SOX5: variants seen among roughly 807,000 people sequenced by gnomAD.
SOX5 encodes transcription factor SOX-5.
In SOX5, 9 loss-of-function variants were observed where a neutral mutation model predicts 92.0. The ratio of observed to expected loss-of-function variants is 0.10; its 90% confidence interval spans 0.06 to 0.17. The LOEUF (loss-of-function observed/expected upper bound fraction) is 0.17, where lower values mean the gene tolerates loss of function less well. Ranked by LOEUF, SOX5 falls within the 10% of genes least tolerant of loss-of-function variation. The pLI, the probability that SOX5 is intolerant of heterozygous loss-of-function variation, is 1.00. For missense variants in SOX5, 642 were observed against 944.5 expected, an observed-to-expected ratio of 0.68 and a Z score of 4.20; for synonymous variants, 344 against 336.3, an observed-to-expected ratio of 1.02 and a Z score of -0.25.
In SOX5 at chr12:24,447,267, G is replaced by A. The variant is rs73285520; in HGVS notation, c.-250-78628C>T. Among the ~76,000 whole-genome samples the A allele has an allele frequency of 5.8e-3, 884 of 152,308 alleles. 7 individuals are homozygous for A. Among genetic ancestry groups the A allele is most frequent in the African/African-American group, 0.02 (850 of 41,554 alleles). On this transcript the variant is annotated intron_variant, in intron 1 of 4. Transcript: ENST00000446891. ...ATCAGCAATAAGCCATGTTGACAGC[G>A]TGTGCCCTTGGTATGATGTGATGAA...
chr12:23,948,144 T>G (rs1271740396), intron 1 of SOX5, among the ~76,000 whole-genome samples: 1 of 151,814 alleles, frequency 6.6e-6, no homozygotes, highest in Non-Finnish European at 1.5e-5. Context: ...TATATAGAAG[T>G]GAAAATTTTA....
At chr12:24,248,821 G>A (rs898177442) in intron 3 of SOX5, among the ~76,000 whole-genome samples, 1 of 151,910 alleles carries the variant, frequency 6.6e-6, no homozygotes, top group African/African-American at 2.4e-5. Flanking sequence ...AAGGTTACTT[G>A]TTTATGTTTT....
In SOX5 at chr12:23,720,665, T is replaced by G. The variant is rs113929933; in HGVS notation, c.810+14019A>C. ...ACCAATGAAATATATGTTGTTAAAG[T>G]TTTTTATATGTACCTTCCAAAATAA... On this transcript the variant is annotated intron_variant, in intron 6 of 14. Coordinates refer to ENST00000451604, the MANE Select transcript of SOX5 (RefSeq NM_006940.6). 2.4e-3 allele frequency among the ~76,000 whole-genome samples: 367 copies of G among 152,264 alleles called. 2 individuals carry two copies. Among genetic ancestry groups the G allele is most frequent in the African/African-American group, 8.3e-3 (346 of 41,556 alleles).
chr12:24,450,142 T>C (rs1321853460), intron 1 of SOX5, among the ~76,000 whole-genome samples: 1 of 152,160 alleles, frequency 6.6e-6, no homozygotes, highest in Non-Finnish European at 1.5e-5. Flanking sequence ...CTTGAGATAA[T>C]TTATGAAATT....
At chr12:24,464,022 G>T (rs1284914010) in intron 1 of SOX5, among the ~76,000 whole-genome samples, 1 of 152,138 alleles carries the variant, frequency 6.6e-6, no homozygotes, top group African/African-American at 2.4e-5. Flanking sequence ...AAACTTCGCT[G>T]ACAAATAGGG....
chr12:24,070,199 A>G (rs1941538489), intron 4 of SOX5, among the ~76,000 whole-genome samples: 1 of 152,182 alleles, frequency 6.6e-6, no homozygotes, highest in African/African-American at 2.4e-5. Context: ...CTACATGTAT[A>G]TATTTATGCT....
intron 4 of SOX5, among the ~76,000 whole-genome samples, chr12:23,745,176 G>A (rs543621836): frequency 6.6e-6 from 1 of 152,176 alleles, no homozygotes; most frequent in Admixed American, 6.5e-5. Context: ...TGCCTTTTAC[G>A]CAAATGATAA....
chr12:23,776,154 C>G (rs975992596), intron 3 of SOX5, among the ~76,000 whole-genome samples: 1 of 152,180 alleles, frequency 6.6e-6, no homozygotes, highest in African/African-American at 2.4e-5. Context: ...TTCAGAATTA[C>G]AAATCGATGA....
At position 24,074,630 on chromosome 12, in the gene SOX5, C is replaced by CAAAAAAAA. The variant is rs76320418; in HGVS notation, c.-2+138705_-2+138712dup. Among the ~76,000 whole-genome samples, 231 of 51,226 alleles carry CAAAAAAAA rather than the reference C, an allele frequency of 4.5e-3. 6 individuals carry two copies. The highest frequency in any genetic ancestry group is 6.1e-3 in the Non-Finnish European group (175 of 28,684). The allele number at this position is 51,226 out of a possible 152,430, so 33.6% of individuals were successfully genotyped here. On this transcript the variant is annotated intron_variant, in intron 4 of 4. Transcript: ENST00000446891. ...CTTAGTGTTTATTTCTGTAAACTAC[C>CAAAAAAAA]AAAAAAAAAAAAAAAAAAAAAAAGC...
intron 3 of SOX5, among the ~76,000 whole-genome samples, chr12:24,241,249 A>G (rs1965503618): frequency 6.6e-6 from 1 of 152,200 alleles, no homozygotes; most frequent in Non-Finnish European, 1.5e-5. Flanking sequence ...ACTAGTTAAG[A>G]TGAATCTAGA....
intron 1 of SOX5, among the ~76,000 whole-genome samples, chr12:24,493,895 G>T (rs1947348285): frequency 1.3e-5 from 2 of 151,930 alleles, no homozygotes; most frequent in Admixed American, 1.3e-4. Flanking sequence ...TTTTTAAAAA[G>T]TCAGTATAGT....
At chr12:23,987,087 A>G (rs1950128338) in intron 4 of SOX5, among the ~76,000 whole-genome samples, 1 of 152,224 alleles carries the variant, frequency 6.6e-6, no homozygotes, top group Non-Finnish European at 1.5e-5. Context: ...TATTTATTAA[A>G]TGCCTACTAA....
chr12:24,203,146 C>T (rs1490602637), intron 4 of SOX5, among the ~76,000 whole-genome samples: 1 of 152,142 alleles, frequency 6.6e-6, no homozygotes, highest in Non-Finnish European at 1.5e-5. Context: ...TACTTTCTTA[C>T]AACCTTATGG....
At chr12:24,228,110 A>C (rs1340152727) in intron 3 of SOX5, among the ~76,000 whole-genome samples, 1 of 152,206 alleles carries the variant, frequency 6.6e-6, no homozygotes, top group Non-Finnish European at 1.5e-5. Flanking sequence ...CCCGGGTCTC[A>C]GAGAGAGCTC....
At position 23,857,885 on chromosome 12, in the gene SOX5, A is replaced by G. The variant is rs142615351; in HGVS notation, c.271-11692T>C. 5.1e-3 allele frequency among the ~76,000 whole-genome samples: 782 copies of G among 152,100 alleles called. 11 individuals carry two copies. Among genetic ancestry groups the G allele is most frequent in the African/African-American group, 0.018 (757 of 41,504 alleles). ...GTAGGTGGGATTACAGGTGCCTGCC[A>G]CCACACTTGGCTAATTTTTTGTATT... On this transcript the variant is annotated intron_variant, in intron 2 of 14. Coordinates refer to ENST00000451604, the MANE Select transcript of SOX5 (RefSeq NM_006940.6).
At chr12:23,736,149 C>T (rs2093583607) in intron 5 of SOX5, among the ~76,000 whole-genome samples, 1 of 150,046 alleles carries the variant, frequency 6.7e-6, no homozygotes, top group African/African-American at 2.5e-5. Context: ...TAGTCACTAA[C>T]ATTTTTATTA....
chr12:24,485,097 A>T (rs1946383867), intron 1 of SOX5, among the ~76,000 whole-genome samples: 1 of 152,160 alleles, frequency 6.6e-6, no homozygotes, highest in Non-Finnish European at 1.5e-5. Context: ...TGCACAGAAA[A>T]GTGGAGATGG....
At chr12:23,619,511 C>G (rs956353998) in intron 8 of SOX5, among the ~76,000 whole-genome samples, 3 of 152,146 alleles carry the variant, frequency 2.0e-5, no homozygotes, top group Non-Finnish European at 4.4e-5. Context: ...GCTCTTAACT[C>G]TTAGCCTATG....
intron 3 of SOX5, among the ~76,000 whole-genome samples, chr12:24,249,443 T>C (rs1023885137): frequency 6.6e-6 from 1 of 152,254 alleles, no homozygotes; most frequent in African/African-American, 2.4e-5. Flanking sequence ...AAAAAAATCA[T>C]ACCTGCTCTA....
Sources: gnomAD v4.1 joint callset for allele counts (sites outside exome capture counted in the v4.1 genomes callset) on GRCh38, gnomAD v4.1.1 for gene constraint, MANE v1.5 for transcripts, NCBI Gene and HGNC (gene_info 2026-07-23, HGNC 2026-07-21) for gene names.